The following KCTD16 variants were observed in gnomAD, a reference collection of about 807,000 sequenced individuals.
KCTD16 encodes the protein BTB/POZ domain-containing protein KCTD16.
KCTD16 carries 13 observed loss-of-function variants against 33.2 expected under a neutral mutation model. The observed-to-expected ratio is 0.39, with a 90% CI of 0.25 to 0.62. The LOEUF is 0.62. Among genes scored for constraint, KCTD16 ranks in the 20% least tolerant of loss-of-function variants. The pLI is 0.50. For missense variants in KCTD16, 441 were observed against 525.1 expected, an observed-to-expected ratio of 0.84 and a Z score of 1.57; for synonymous variants, 197 against 195.3, an observed-to-expected ratio of 1.01 and a Z score of -0.07.
chr5:144,451,986 ATTAAT>A (rs1415008989), intron 3 of KCTD16, among the ~76,000 whole-genome samples: 1 of 151,952 alleles, frequency 6.6e-6, no homozygotes, highest in East Asian at 1.9e-4. Context: ...GTCACAGCAT[ATTAAT>A]TTATCTAGTT....
In KCTD16 at chr5:144,399,500, G is replaced by A. The variant is rs185094546; in HGVS notation, c.833-74160G>A. 1.1e-4 allele frequency among the ~76,000 whole-genome samples: 17 copies of A among 151,716 alleles called. No individual in the cohort carries two copies. In the Middle Eastern group the frequency reaches 0.01, roughly 91 times the overall value. On this transcript the variant is annotated intron_variant, in intron 3 of 3. Coordinates refer to ENST00000512467, the MANE Select transcript of KCTD16 (RefSeq NM_020768.4). ...GGTTGTGTTTTACTTTTTTTTGGCC[G>A]CCATATGAATTACAAGTACATTTTT...
intron 3 of KCTD16, among the ~76,000 whole-genome samples, chr5:144,471,741 T>A (rs1224594175): frequency 6.6e-6 from 1 of 152,208 alleles, no homozygotes; most frequent in Non-Finnish European, 1.5e-5. Context: ...GGAAAATGTA[T>A]AATAGCATGA....
intron 2 of KCTD16, among the ~76,000 whole-genome samples, chr5:144,204,156 C>T (rs1425012474): frequency 6.6e-6 from 1 of 152,204 alleles, no homozygotes; most frequent in Non-Finnish European, 1.5e-5. Context: ...TTGAGCGTAT[C>T]TTCAAGCTAA....
chr5:144,374,238 T>TA (rs573637779), intron 3 of KCTD16, among the ~76,000 whole-genome samples: 1 of 152,148 alleles, frequency 6.6e-6, no homozygotes, highest in African/African-American at 2.4e-5. Context: ...AAATTTTCAG[T>TA]AAAAAAGATT....
intron 3 of KCTD16, among the ~76,000 whole-genome samples, chr5:144,420,589 T>A (rs950561919): frequency 2.0e-5 from 3 of 152,148 alleles, no homozygotes; most frequent in East Asian, 1.9e-4. Flanking sequence ...ACAACTGTAC[T>A]TTTTTTATAG....
chr5:144,417,750 T>TAAAA (rs1298212202), intron 3 of KCTD16, among the ~76,000 whole-genome samples: 2 of 152,182 alleles, frequency 1.3e-5, no homozygotes, highest in Non-Finnish European at 2.9e-5. Flanking sequence ...TGTTCATTGA[T>TAAAA]CCTTTTGAGT....
At chr5:144,382,717 A>G (rs774192571) in intron 3 of KCTD16, among the ~76,000 whole-genome samples, 1 of 152,178 alleles carries the variant, frequency 6.6e-6, no homozygotes, top group Non-Finnish European at 1.5e-5. Flanking sequence ...TTTGTCCTTG[A>G]GGAGGTGAAG....
chr5:144,363,662 G>T (rs1309652252), intron 3 of KCTD16, among the ~76,000 whole-genome samples: 3 of 152,174 alleles, frequency 2.0e-5, no homozygotes, highest in Non-Finnish European at 4.4e-5. Context: ...ATTGCCTCTG[G>T]AGAGGATGGG....
At chr5:144,266,697 A>C (rs1243490360) in intron 3 of KCTD16, among the ~76,000 whole-genome samples, 1 of 152,186 alleles carries the variant, frequency 6.6e-6, no homozygotes, top group Non-Finnish European at 1.5e-5. Flanking sequence ...TTGCCCACCT[A>C]GTGTTTAAAA....
chr5:144,266,546 G>T (rs1755145846), intron 3 of KCTD16, among the ~76,000 whole-genome samples: 1 of 152,198 alleles, frequency 6.6e-6, no homozygotes, highest in Admixed American at 6.5e-5. Flanking sequence ...TGACCTCAAA[G>T]CCTGAGAATC....
At chr5:144,188,420 G>A (rs1485328687) in intron 2 of KCTD16, among the ~76,000 whole-genome samples, 3 of 152,198 alleles carry the variant, frequency 2.0e-5, no homozygotes, top group Non-Finnish European at 4.4e-5. Flanking sequence ...ATGGAGTTTA[G>A]AATGATACAT....
chr5:144,372,907 C>T (rs894236594), intron 3 of KCTD16, among the ~76,000 whole-genome samples: 2 of 152,036 alleles, frequency 1.3e-5, no homozygotes, highest in African/African-American at 4.8e-5. Flanking sequence ...TTTTTTGCCA[C>T]TGAAGAGAGG....
intron 3 of KCTD16, among the ~76,000 whole-genome samples, chr5:144,220,545 A>T (rs942092961): frequency 4.0e-5 from 6 of 150,472 alleles, no homozygotes; most frequent in African/African-American, 1.2e-4. Flanking sequence ...TGAAGGCAGC[A>T]GGTTATATGT....
In KCTD16 at chr5:144,473,846, A is replaced by G; in HGVS notation, c.1019A>G (p.Gln340Arg). ...CGPVTRQTNI[Q>R]TLDRPIKKGP... The stretch of plus-strand genomic sequence containing the variant: ...CCCGTGACACGCCAGACCAACATCC[A>G]GACTCTGGACCGTCCCATCAAGAAG... Residue 340 changes from glutamine (Q) to arginine (R), a missense_variant, in exon 4 of 4, where the codon CAG becomes CGG. This residue lies in a region of KCTD16 where 355 missense variants were observed against 413.0 expected (regional missense o/e 0.86). Transcript: ENST00000512467. 6.2e-7 allele frequency: 1 copy of G among 1,614,128 alleles called. No homozygotes were observed. The highest frequency in any genetic ancestry group is 1.1e-5 in the South Asian group (1 of 91,076).
At chr5:144,279,175 T>G (rs1447511059) in intron 3 of KCTD16, among the ~76,000 whole-genome samples, 2 of 152,246 alleles carry the variant, frequency 1.3e-5, no homozygotes, top group Non-Finnish European at 2.9e-5. Flanking sequence ...GAAGAGCTTT[T>G]CTTGTAGTTT....
At chr5:144,371,841 T>TTACTATTAATGA (rs1314587299) in intron 3 of KCTD16, among the ~76,000 whole-genome samples, 4 of 152,196 alleles carry the variant, frequency 2.6e-5, no homozygotes, top group African/African-American at 7.2e-5. Flanking sequence ...GAGCTGCAAC[T>TTACTATTAATGA]TACTATTAAT....
chr5:144,188,553 C>T (rs913785074), intron 2 of KCTD16, among the ~76,000 whole-genome samples: 2 of 152,302 alleles, frequency 1.3e-5, no homozygotes, highest in East Asian at 3.9e-4. Flanking sequence ...TGTCATTGAG[C>T]AGCATCAGTA....
chr5:144,416,842 G>A (rs535078617), intron 3 of KCTD16, among the ~76,000 whole-genome samples: 8 of 151,848 alleles, frequency 5.3e-5, no homozygotes, highest in Non-Finnish European at 1.2e-4. Flanking sequence ...GATTTATTTT[G>A]GATATTTCAT....
intron 3 of KCTD16, among the ~76,000 whole-genome samples, chr5:144,399,272 A>C (rs993951930): frequency 6.6e-6 from 1 of 152,150 alleles, no homozygotes; most frequent in Non-Finnish European, 1.5e-5. Context: ...GGTCACTGCT[A>C]TCTCCTCTAT....
Sources: allele counts gnomAD v4.1 joint callset (sites outside exome capture counted in the v4.1 genomes callset), GRCh38; gene constraint gnomAD v4.1.1; regional missense constraint gnomAD v4.1.1; transcripts MANE v1.5; gene names NCBI Gene and HGNC (gene_info 2026-07-23, HGNC 2026-07-21).